The following SPECC1L variants were observed in gnomAD, a reference collection of about 807,000 sequenced individuals.
SPECC1L encodes sperm antigen with calponin homology and coiled-coil domains 1 like.
SPECC1L carries 40 observed loss-of-function variants against 116.8 expected under a neutral mutation model. The observed-to-expected ratio is 0.34, with a 90% CI of 0.27 to 0.45. SPECC1L has a LOEUF of 0.45. Ranked by LOEUF, SPECC1L falls within the 20% of genes least tolerant of loss-of-function variation. The pLI is 1.00. For missense variants in SPECC1L, 1,110 were observed against 1,373.6 expected (o/e 0.81, Z 3.03); for synonymous variants, 504 against 500.6 (o/e 1.01, Z -0.09).
chr22:24,363,473 C>A, intron 12 of SPECC1L, 129 bp downstream of exon 12: 1 of 815,436 alleles, frequency 1.2e-6, no homozygotes, highest in South Asian at 1.4e-5. Context: ...GCTGTCCTCT[C>A]ACCTTGGCCT....
intron 2 of SPECC1L, among the ~76,000 whole-genome samples, chr22:24,288,324 C>G (rs576133984): frequency 6.6e-6 from 1 of 152,184 alleles, no homozygotes; most frequent in African/African-American, 2.4e-5. Context: ...CTTACACACT[C>G]ACTGTCTGTA....
intron 3 of SPECC1L, among the ~76,000 whole-genome samples, chr22:24,311,687 C>A (rs2040463025): frequency 6.6e-6 from 1 of 151,716 alleles, no homozygotes; most frequent in African/African-American, 2.4e-5. Context: ...TGCCTGTAGT[C>A]CTAGCTACTT....
chr22:24,321,173 A>T, intron 4 of SPECC1L, 115 bp from the exon 5 acceptor site: 1 of 1,182,026 alleles, frequency 8.5e-7, no homozygotes, highest in African/African-American at 1.5e-5. Context: ...GTAGATCTAA[A>T]TCATTGTGTA....
At chr22:24,302,790 G>C (rs1444857063) in intron 3 of SPECC1L, among the ~76,000 whole-genome samples, 2 of 152,090 alleles carry the variant, frequency 1.3e-5, no homozygotes, top group East Asian at 3.8e-4. Flanking sequence ...AGTAAATATT[G>C]TTTCAAGCCT....
chr22:24,273,903 C>G (rs1255953002), intron 1 of SPECC1L, among the ~76,000 whole-genome samples: 2 of 152,212 alleles, frequency 1.3e-5, no homozygotes, highest in Non-Finnish European at 2.9e-5. Flanking sequence ...GGATTACAGG[C>G]ATGTGCCACC....
chr22:24,378,368 C>T lies in SPECC1L; in HGVS notation c.3087+9048C>T, dbSNP rs62233975. Among the ~76,000 whole-genome samples, 1,134 of 152,316 alleles carry T rather than the reference C, an allele frequency of 7.4e-3. 6 individuals carry two copies. The highest frequency in any genetic ancestry group is 0.013 in the South Asian group (62 of 4,834). On this transcript the variant is annotated intron_variant, in intron 14 of 16. Coordinates refer to ENST00000314328, the MANE Select transcript of SPECC1L (RefSeq NM_015330.6). Reference sequence around the variant, plus strand: ...CTGGTTTGATCTTTTATTCAAAGCACGGAAACTTTCTCCATATCAGCAATA... The same window carrying T: ...CTGGTTTGATCTTTTATTCAAAGCATGGAAACTTTCTCCATATCAGCAATA...
intron 2 of SPECC1L, among the ~76,000 whole-genome samples, chr22:24,284,543 T>C (rs1470906441): frequency 6.6e-6 from 1 of 152,066 alleles, no homozygotes; most frequent in Non-Finnish European, 1.5e-5. Flanking sequence ...CATGCCATTC[T>C]CCTGCCTCAG....
chr22:24,370,789 G>A (rs1354608402), intron 14 of SPECC1L, among the ~76,000 whole-genome samples: 1 of 152,138 alleles, frequency 6.6e-6, no homozygotes, highest in Non-Finnish European at 1.5e-5. Context: ...GATGCACACT[G>A]AAGACATTGT....
intron 6 of SPECC1L, 133 bp from the exon 7 acceptor site, chr22:24,328,713 G>T: frequency 4.8e-6 from 3 of 622,802 alleles, no homozygotes; most frequent in Non-Finnish European, 8.5e-6. Context: ...TTAAAGTTTT[G>T]TATTAAAATT....
rs115969119 is a variant in SPECC1L at position 24,405,109 on chromosome 22, G to T, written c.3088-6479G>T. Among the ~76,000 whole-genome samples, 760 of 152,350 alleles carry T rather than the reference G, an allele frequency of 5.0e-3. 4 individuals carry two copies. Among genetic ancestry groups the T allele is most frequent in the African/African-American group, 0.017 (716 of 41,566 alleles). On this transcript the variant is annotated intron_variant, in intron 14 of 16. Transcript: ENST00000314328. ...CACTGGTGGCCCCGGCCCTCCTGCT[G>T]GGGTGGAAAGCTCTGCCTTGTGGCA...
chr22:24,351,325 T>C (rs1028299332), intron 11 of SPECC1L, among the ~76,000 whole-genome samples: 3 of 152,248 alleles, frequency 2.0e-5, no homozygotes, highest in African/African-American at 7.2e-5. Context: ...GGGCAAAGAC[T>C]ACCGTTTAAT....
At chr22:24,279,368 T>A (rs1196764908) in intron 2 of SPECC1L, among the ~76,000 whole-genome samples, 10 of 151,980 alleles carry the variant, frequency 6.6e-5, no homozygotes, top group African/African-American at 9.7e-5. Flanking sequence ...TTCTGATTTT[T>A]AAAAAAAATT....
chr22:24,369,662 T>C (rs2041836847), intron 14 of SPECC1L, among the ~76,000 whole-genome samples: 1 of 152,086 alleles, frequency 6.6e-6, no homozygotes, highest in African/African-American at 2.4e-5. Flanking sequence ...AAAGAAGAAA[T>C]GATGAGTCCT....
chr22:24,276,167 G>A (rs918634461), intron 1 of SPECC1L, among the ~76,000 whole-genome samples: 1 of 152,134 alleles, frequency 6.6e-6, no homozygotes, highest in Non-Finnish European at 1.5e-5. Flanking sequence ...GCTTGAGGCC[G>A]AGAGTTCGAG....
At chr22:24,288,159 A>G (rs2049080286) in intron 2 of SPECC1L, among the ~76,000 whole-genome samples, 2 of 152,124 alleles carry the variant, frequency 1.3e-5, no homozygotes, top group East Asian at 1.9e-4. Flanking sequence ...TTACGGAACG[A>G]TTTACAGAAA....
rs2042804018 is a variant in SPECC1L at position 24,416,509 on chromosome 22, C to G, written c.*1886C>G. The G allele has an allele frequency of 1.3e-5, 2 of 152,278 alleles. No individual in the cohort carries two copies. The highest frequency in any genetic ancestry group is 4.8e-5 in the African/African-American group (2 of 41,458). The allele number at this position is 152,278 out of a possible 1,614,324, so 9.4% of individuals were successfully genotyped here. Reference sequence around the variant, plus strand: ...TGTGAGAATTACTGTTTTTAAGTGTCTCTCCACTTAGGTGTCCTCAGTTCC... The same window carrying G: ...TGTGAGAATTACTGTTTTTAAGTGTGTCTCCACTTAGGTGTCCTCAGTTCC... On this transcript the variant is annotated 3_prime_UTR_variant, in exon 17 of 17. Coordinates refer to ENST00000314328, the MANE Select transcript of SPECC1L (RefSeq NM_015330.6).
At chr22:24,406,517 C>T (rs62233995) in intron 14 of SPECC1L, among the ~76,000 whole-genome samples, 2,912 of 152,268 alleles carry the variant, frequency 0.019, 49 homozygotes, top group African/African-American at 0.042. Context: ...CCTGTGCTCC[C>T]CTGGCAGCCT....
chr22:24,376,556 A>G (rs1413272058), intron 14 of SPECC1L, among the ~76,000 whole-genome samples: 1 of 152,242 alleles, frequency 6.6e-6, no homozygotes, highest in Non-Finnish European at 1.5e-5. Context: ...TTGCTGAAAG[A>G]AATTAAAATC....
intron 2 of SPECC1L, among the ~76,000 whole-genome samples, chr22:24,284,062 T>G (rs145363239): frequency 1.2e-4 from 19 of 152,286 alleles, no homozygotes; most frequent in African/African-American, 4.1e-4. Context: ...GATCTCTGTT[T>G]TACGTTTTCT....
Sources: gnomAD v4.1 joint callset for allele counts (sites outside exome capture counted in the v4.1 genomes callset) on GRCh38, gnomAD v4.1.1 for gene constraint, MANE v1.5 for transcripts, NCBI Gene and HGNC (gene_info 2026-07-23, HGNC 2026-07-21) for gene names.